SHTN1: variants seen among roughly 807,000 people sequenced by gnomAD.
SHTN1 encodes the protein shootin-1.
SHTN1 carries 42 observed loss-of-function variants against 83.1 expected under a neutral mutation model. The ratio of observed to expected loss-of-function variants is 0.51; its 90% CI spans 0.39 to 0.65. The LOEUF (loss-of-function observed/expected upper bound fraction) is 0.65. SHTN1 is among the 30% of genes least tolerant of loss of function. The probability of loss-of-function intolerance (pLI) is 0.00; values close to 1 mark genes in which losing one functional copy is unlikely to be tolerated. For synonymous variants in SHTN1, 224 were observed against 247.7 expected, an observed-to-expected ratio of 0.90 and a Z score of 0.90; for missense variants, 622 against 737.8, an observed-to-expected ratio of 0.84 and a Z score of 1.82.
chr10:116,896,770 C>G (rs1847535091), intron 16 of SHTN1, among the ~76,000 whole-genome samples: 1 of 151,008 alleles, frequency 6.6e-6, no homozygotes, highest in Non-Finnish European at 1.5e-5. Flanking sequence ...GTGGGAAAGA[C>G]TGCCCAATTT....
intron 2 of SHTN1, among the ~76,000 whole-genome samples, chr10:117,041,128 T>TA (rs1268713159): frequency 6.6e-6 from 1 of 151,978 alleles, no homozygotes; most frequent in African/African-American, 2.4e-5. Flanking sequence ...CCCCGGTGTT[T>TA]AAAATGTTTT....
chr10:116,933,511 G>A, intron 9 of SHTN1, among the ~76,000 whole-genome samples: 1 of 152,088 alleles, frequency 6.6e-6, no homozygotes, highest in East Asian at 1.9e-4. Context: ...CCTTTTTTAT[G>A]GCTGTGTAGT....
intron 1 of SHTN1, among the ~76,000 whole-genome samples, chr10:117,112,234 G>A (rs1329788083): frequency 6.6e-6 from 1 of 152,094 alleles, no homozygotes; most frequent in African/African-American, 2.4e-5. Flanking sequence ...CCAAACTGCT[G>A]AGATTACAAG....
At position 116,901,721 on chromosome 10, in the gene SHTN1, C is replaced by T. The variant is rs377610976; in HGVS notation, c.1673+44G>A. 1.1e-4 allele frequency: 160 copies of T among 1,470,860 alleles called. 2 individuals carry two copies. The South Asian group carries it at 1.6e-3, about 15-fold the overall frequency. 91.1% of individuals were successfully genotyped at this position (1,470,860 alleles called of 1,614,324 possible). ...AAAGAAACACACAAGTTAGTCATTA[C>T]AGATTCTTCTATACACCACTTAGTA... On this transcript the variant is annotated intron_variant, in intron 16 of 16. Coordinates refer to ENST00000355371, the MANE Select transcript of SHTN1 (RefSeq NM_001127211.3).
chr10:116,986,004 C>T (rs1272394187), intron 1 of SHTN1, among the ~76,000 whole-genome samples: 2 of 152,088 alleles, frequency 1.3e-5, no homozygotes, highest in Non-Finnish European at 2.9e-5. Context: ...AAAGAAATTA[C>T]GGCAAACCAG....
chr10:117,017,180 G>GA, intron 2 of SHTN1, among the ~76,000 whole-genome samples: 1 of 152,246 alleles, frequency 6.6e-6, no homozygotes, highest in South Asian at 2.1e-4. Flanking sequence ...GCTGCAGTTA[G>GA]AAAAATTTGA....
chr10:116,950,628 G>A (rs191668279), intron 6 of SHTN1, among the ~76,000 whole-genome samples: 1 of 152,152 alleles, frequency 6.6e-6, no homozygotes, highest in Non-Finnish European at 1.5e-5. Context: ...AAAGATAATG[G>A]TCCTGAAAGT....
chr10:117,007,984 G>C (rs540923460), upstream of SHTN1, among the ~76,000 whole-genome samples: 1 of 151,992 alleles, frequency 6.6e-6, no homozygotes, highest in South Asian at 2.1e-4. Flanking sequence ...CTCCAGCCTG[G>C]GTGACAGAGC....
chr10:116,944,806 G>T, intron 8 of SHTN1, 118 bp downstream of exon 8: 1 of 682,638 alleles, frequency 1.5e-6, no homozygotes, highest in Non-Finnish European at 2.6e-6. Flanking sequence ...CATGAGAATC[G>T]CTTGAATCAG....
intron 2 of SHTN1, among the ~76,000 whole-genome samples, chr10:117,036,060 A>T (rs762859314): frequency 1.5e-4 from 23 of 152,122 alleles, no homozygotes; most frequent in Non-Finnish European, 2.9e-4. Context: ...ATCATCAGAG[A>T]CATGCAAATC....
chr10:117,111,316 T>G (rs1307100314), intron 1 of SHTN1, among the ~76,000 whole-genome samples: 2 of 151,930 alleles, frequency 1.3e-5, no homozygotes, highest in East Asian at 3.9e-4. Context: ...TTCTTTGAGA[T>G]GGAGTCTCGT....
intron 1 of SHTN1, among the ~76,000 whole-genome samples, chr10:117,118,357 C>A: frequency 2.4e-5 from 2 of 83,656 alleles, no homozygotes; most frequent in African/African-American, 4.8e-5. Context: ...GAAATATAAT[C>A]CATTTCAAAA....
rs1375057657 is a variant in SHTN1 at position 116,882,800 on chromosome 10, A to T, written c.*3544T>A. On this transcript the variant is annotated 3_prime_UTR_variant, in exon 17 of 17. Transcript: ENST00000355371. ...AGGCGCAGACTCTCTCAGAGCATGC[A>T]GGAGACTTGGTTGGTATCACTCTAA... The T allele has an allele frequency of 1.3e-5, 2 of 152,214 alleles. No individual in the cohort carries two copies. Among genetic ancestry groups the T allele is most frequent in the East Asian group, 3.8e-4 (2 of 5,198 alleles). 9.4% of individuals were successfully genotyped at this position (152,214 alleles called of 1,614,324 possible).
chr10:117,121,309 G>A (rs1273176356), intron 1 of SHTN1, among the ~76,000 whole-genome samples: 1 of 152,290 alleles, frequency 6.6e-6, no homozygotes, highest in South Asian at 2.1e-4. Flanking sequence ...CAGGCGTGGT[G>A]GCTTACGCCT....
chr10:116,911,729 T>A, intron 14 of SHTN1, 61 bp downstream of exon 14: 2 of 1,578,030 alleles, frequency 1.3e-6, no homozygotes, highest in Non-Finnish European at 1.7e-6. Context: ...AAAAACAGAT[T>A]TTAAAATACT....
At chr10:116,946,231 A>G (rs1849571081) in intron 7 of SHTN1, among the ~76,000 whole-genome samples, 1 of 148,764 alleles carries the variant, frequency 6.7e-6, no homozygotes, top group South Asian at 2.1e-4. Flanking sequence ...AACATTTAAT[A>G]TGTATATATG....
intron 1 of SHTN1, among the ~76,000 whole-genome samples, chr10:117,075,971 C>A (rs936383640): frequency 1.3e-5 from 2 of 151,908 alleles, no homozygotes; most frequent in Admixed American, 1.3e-4. Flanking sequence ...CCACTTGAGT[C>A]CAGGAGTTTG....
intron 1 of SHTN1, among the ~76,000 whole-genome samples, chr10:117,102,874 C>G (rs909253542): frequency 5.3e-5 from 8 of 152,184 alleles, no homozygotes; most frequent in Non-Finnish European, 8.8e-5. Context: ...AGCATAACTA[C>G]TGGCCCGGCA....
intron 9 of SHTN1, among the ~76,000 whole-genome samples, chr10:116,933,223 GT>G (rs1171322386): frequency 6.6e-6 from 1 of 151,734 alleles, no homozygotes; most frequent in Admixed American, 6.6e-5. Context: ...GAATGTGCAG[GT>G]TTGTTACATA....
Sources: gnomAD v4.1 joint callset for allele counts (sites outside exome capture counted in the v4.1 genomes callset) on GRCh38, gnomAD v4.1.1 for gene constraint, MANE v1.5 for transcripts, NCBI Gene and HGNC (gene_info 2026-07-23, HGNC 2026-07-21) for gene names.